SLFN5: variants seen among roughly 807,000 people sequenced by gnomAD.
SLFN5 encodes the protein schlafen family member 5.
SLFN5 carries 34 observed loss-of-function variants against 48.5 expected under a neutral mutation model. The observed-to-expected ratio is 0.70, with a 90% CI of 0.53 to 0.93. The LOEUF (loss-of-function observed/expected upper bound fraction) is 0.93, where lower values mean the gene tolerates loss of function less well. Among genes scored for constraint, SLFN5 ranks in the 40% least tolerant of loss-of-function variants. The probability of loss-of-function intolerance (pLI) is 0.00; values close to 1 mark genes in which losing one functional copy is unlikely to be tolerated. For synonymous variants in SLFN5, 387 were observed against 396.2 expected, an observed-to-expected ratio of 0.98 and a Z score of 0.28; for missense variants, 1,006 against 1,071.3, an observed-to-expected ratio of 0.94 and a Z score of 0.85.
chr17:35,250,381 T>C lies in SLFN5; in HGVS notation c.-41+7238T>C, dbSNP rs59214727. On this transcript the variant is annotated intron_variant, in intron 1 of 4. Transcript: ENST00000299977. ...GCTCAAGTAAGAGTTAAAAGATGGC[T>C]GGGCGCGGTGGCTCACGCCTGTAAT... is the stretch of plus-strand genomic sequence containing the variant. Among the ~76,000 whole-genome samples, 617 of 152,212 alleles carry C rather than the reference T, an allele frequency of 4.1e-3. 16 individuals are homozygous for C. In the South Asian group the frequency reaches 0.047, roughly 12 times the overall value.
rs1422983780 is a variant in SLFN5 at position 35,265,192 on chromosome 17, C to T, written c.1980C>T (p.Asp660=). The T allele has an allele frequency of 6.2e-7, 1 of 1,614,150 alleles. No homozygotes were observed. The highest frequency in any genetic ancestry group is 2.2e-5 in the East Asian group (1 of 44,888). Residue 660 remains aspartate (D), a synonymous_variant, in exon 5 of 5, where the codon GAC becomes GAT. Transcript: ENST00000299977. ...DAQNFRTEDG[D]WYGKAKFITQ... is the part of the protein sequence containing the mutation. ...AGAATTTCCGTACTGAAGATGGGGA[C>T]TGGTATGGGAAAGCAAAGTTCATCA...
rs1215643918 is a variant in SLFN5 at position 35,264,272 on chromosome 17, G to T, written c.1228G>T (p.Glu410Ter). ...AGGACTCAGAGACTTAATAAATACA[G>T]AAATGCGCCCTTTCTCTCAAGGAAT... ...HKGLRDLINT[E>*]MRPFSQGILI... Residue 410 changes from glutamate (E) to a stop codon, truncating the protein, a stop_gained, in exon 4 of 5, where the codon GAA (glutamate) becomes TAA (stop). Transcript: ENST00000299977. LOFTEE classifies it high-confidence loss of function. 3 of 1,614,136 alleles carry T rather than the reference G, an allele frequency of 1.9e-6. No homozygotes were observed. In the South Asian group the frequency reaches 3.3e-5, roughly 18 times the overall value.
In SLFN5 at chr17:35,259,436, C is replaced by T. The variant is rs766748875; in HGVS notation, c.746C>T (p.Thr249Met). The T allele has an allele frequency of 2.7e-5, 44 of 1,614,162 alleles. No homozygotes were observed. Among genetic ancestry groups the T allele is most frequent in the South Asian group, 5.5e-5 (5 of 91,078 alleles). ...TGTGAAAAAGAGAAAATAGACCTTA[C>T]GAGCTTGAGGGCTTCTATTGATGGC... is the stretch of plus-strand genomic sequence containing the variant. ...IGCEKEKIDL[T>M]SLRASIDGCI... is the part of the protein sequence containing the mutation. Residue 249 changes from threonine to methionine, a missense_variant, in exon 2 of 5, where the codon ACG (threonine) becomes ATG (methionine). Thr to Met is a moderately conservative substitution (Grantham distance 81). Transcript: ENST00000299977.
intron 1 of SLFN5, among the ~76,000 whole-genome samples, chr17:35,252,040 A>T (rs1428862668): frequency 2.0e-5 from 3 of 152,176 alleles, no homozygotes; most frequent in Non-Finnish European, 4.4e-5. Context: ...CAAATTATTT[A>T]AAATGGATAT....
At chr17:35,255,570 A>G (rs1567789616) in intron 1 of SLFN5, among the ~76,000 whole-genome samples, 1 of 152,254 alleles carries the variant, frequency 6.6e-6, no homozygotes. Context: ...AAAGACATAC[A>G]TGGAACAATG....
intron 1 of SLFN5, among the ~76,000 whole-genome samples, chr17:35,243,421 A>C (rs1369017370): frequency 6.6e-6 from 1 of 152,210 alleles, no homozygotes; most frequent in Non-Finnish European, 1.5e-5. Flanking sequence ...AGCGCAGCCT[A>C]CATCTTAGCA....
At position 35,263,426 on chromosome 17, in the gene SLFN5, C is replaced by T. The variant is rs972770945; in HGVS notation, c.1139-757C>T. Among the ~76,000 whole-genome samples, 10 of 152,250 alleles carry T rather than the reference C, an allele frequency of 6.6e-5. 1 individual carries two copies. The South Asian group carries it at 1.0e-3, about 16-fold the overall frequency. On this transcript the variant is annotated intron_variant, in intron 3 of 4. Transcript: ENST00000299977. Reference sequence around the variant, plus strand: ...GATTACAGGCATGAGCCACCACGCCCGGCTTCCTTGCTGTTTCTTGTCCCT... The same window carrying T: ...GATTACAGGCATGAGCCACCACGCCTGGCTTCCTTGCTGTTTCTTGTCCCT...
At position 35,264,081 on chromosome 17, in the gene SLFN5, T is replaced by C. The variant is rs9895923; in HGVS notation, c.1139-102T>C. 2.8e-3 allele frequency: 3,889 copies of C among 1,370,642 alleles called. 106 individuals are homozygous for C. The African/African-American group carries it at 0.051, about 18-fold the overall frequency. The allele number at this position is 1,370,642 out of a possible 1,614,324, so 84.9% of individuals were successfully genotyped here. On this transcript the variant is annotated intron_variant, in intron 3 of 4. Coordinates refer to ENST00000299977, the MANE Select transcript of SLFN5 (RefSeq NM_144975.4). ...TTACTAATGTATAACCTATTGTAGA[T>C]ACATAGTAGAGTCCCAGTGTTGATT...
In SLFN5 at chr17:35,252,566, A is replaced by C. The variant is rs535461813; in HGVS notation, c.-40-6085A>C. 8.5e-5 allele frequency among the ~76,000 whole-genome samples: 13 copies of C among 152,180 alleles called. No homozygotes were observed. The East Asian group carries it at 2.5e-3, about 29-fold the overall frequency. ...TGCCTTTTTCCTCTGGATGCTTTTAAGATTTTTTTCTGTATCACTGGTTTT... is the reference window on the plus strand; with the variant it reads ...TGCCTTTTTCCTCTGGATGCTTTTACGATTTTTTTCTGTATCACTGGTTTT... On this transcript the variant is annotated intron_variant, in intron 1 of 4. Coordinates refer to ENST00000299977, the MANE Select transcript of SLFN5 (RefSeq NM_144975.4).
At chr17:35,255,790 A>G (rs574144359) in intron 1 of SLFN5, among the ~76,000 whole-genome samples, 25 of 152,358 alleles carry the variant, frequency 1.6e-4, no homozygotes, top group African/African-American at 6.0e-4. Context: ...TAAGAAATAC[A>G]TTTCTAGAAG....
rs1567794378 is a variant in SLFN5 at position 35,268,382 on chromosome 17, G to T, written c.*2494G>T. Reference sequence around the variant, plus strand: ...AGAAATATGACATGAGCCAGATGAAGAACCCATCCTGAAAGGATATATAAC... The same window carrying T: ...AGAAATATGACATGAGCCAGATGAATAACCCATCCTGAAAGGATATATAAC... On this transcript the variant is annotated 3_prime_UTR_variant, in exon 5 of 5. Coordinates refer to ENST00000299977, the MANE Select transcript of SLFN5 (RefSeq NM_144975.4). The T allele has an allele frequency of 6.6e-6, 1 of 152,194 alleles. No individual in the cohort carries two copies. Among genetic ancestry groups the T allele is most frequent in the East Asian group, 1.9e-4 (1 of 5,192 alleles). 9.4% of individuals were successfully genotyped at this position (152,194 alleles called of 1,614,324 possible). A position where few individuals can be genotyped will look rare whatever the true frequency, so the allele number is the denominator to read the frequency against.
At chr17:35,257,114 G>A (rs926744510) in intron 1 of SLFN5, among the ~76,000 whole-genome samples, 8 of 152,032 alleles carry the variant, frequency 5.3e-5, no homozygotes, top group Admixed American at 2.0e-4. Flanking sequence ...ACCCCCATCC[G>A]TGAAAAAATT....
rs915269215 is a variant in SLFN5, at chr17:35,267,371, C to A, written c.*1483C>A. ...ATGGAGTTCAACCTTACACTATAAA[C>A]ATCTAATAGATATGTATGAAAATTT... On this transcript the variant is annotated 3_prime_UTR_variant, in exon 5 of 5. Transcript: ENST00000299977. 1 of 152,090 alleles carries A rather than the reference C, an allele frequency of 6.6e-6. No homozygotes were observed. The highest frequency in any genetic ancestry group is 1.9e-4 in the East Asian group (1 of 5,206). The allele number at this position is 152,090 out of a possible 1,614,324, so 9.4% of individuals were successfully genotyped here.
intron 1 of SLFN5, among the ~76,000 whole-genome samples, chr17:35,256,318 C>T (rs1028415023): frequency 6.6e-6 from 1 of 152,172 alleles, no homozygotes; most frequent in Non-Finnish European, 1.5e-5. Flanking sequence ...GAGATCACAC[C>T]ACTGCACTCC....
chr17:35,263,216 C>T (rs776064608), intron 3 of SLFN5, among the ~76,000 whole-genome samples: 11 of 152,026 alleles, frequency 7.2e-5, no homozygotes, highest in Non-Finnish European at 1.6e-4. Context: ...CTGCAACCTC[C>T]GCCTCCTGGG....
chr17:35,267,420 G>A lies in SLFN5; in HGVS notation c.*1532G>A, dbSNP rs1445535918. ...TTAAAAACTAGAAAAGGTTGGGCAT[G>A]GTGGCTCATGCTTGTGATCCCAGGA... On this transcript the variant is annotated 3_prime_UTR_variant, in exon 5 of 5. Transcript: ENST00000299977. 6.6e-6 allele frequency: 1 copy of A among 152,184 alleles called. No homozygotes were observed. The highest frequency in any genetic ancestry group is 2.4e-5 in the African/African-American group (1 of 41,434). The allele number at this position is 152,184 out of a possible 1,614,324, so 9.4% of individuals were successfully genotyped here. A position where few individuals can be genotyped will look rare whatever the true frequency, so the allele number is the denominator to read the frequency against.
chr17:35,252,409 T>C (rs1007550566), intron 1 of SLFN5, among the ~76,000 whole-genome samples: 1 of 151,934 alleles, frequency 6.6e-6, no homozygotes, highest in African/African-American at 2.4e-5. Flanking sequence ...GGTGACAGAG[T>C]GAAAAGCCCT....
intron 3 of SLFN5, among the ~76,000 whole-genome samples, chr17:35,261,531 G>A (rs1904519262): frequency 1.3e-5 from 2 of 151,988 alleles, no homozygotes. Context: ...TACTATGCCA[G>A]GCTAATTTTT....
Position 35,264,535 on chromosome 17 carries a change from G to T in SLFN5, c.1491G>T (p.Leu497=), listed in dbSNP as rs1158365672. 1 of 1,614,144 alleles carries T rather than the reference G, an allele frequency of 6.2e-7. No homozygotes were observed. Among genetic ancestry groups the T allele is most frequent in the Non-Finnish European group, 8.5e-7 (1 of 1,180,010 alleles). Residue 497 remains leucine, a synonymous_variant, in exon 4 of 5, where the codon CTG becomes CTT. Transcript: ENST00000299977. ...RLCITPLVCV[L]NSDRKAQSVY... is the part of the protein sequence containing the mutation. Reference sequence around the variant, plus strand: ...GCATCACCCCCTTGGTCTGTGTGCTGAATTCTGATAGAAAAGCACAGAGCG... The same window carrying T: ...GCATCACCCCCTTGGTCTGTGTGCTTAATTCTGATAGAAAAGCACAGAGCG...
Sources: allele counts gnomAD v4.1 joint callset (sites outside exome capture counted in the v4.1 genomes callset), GRCh38; gene constraint gnomAD v4.1.1; transcripts MANE v1.5; gene names NCBI Gene and HGNC (gene_info 2026-07-23, HGNC 2026-07-21).